HTR4: variants seen among roughly 807,000 people sequenced by gnomAD.
HTR4 encodes the protein 5-hydroxytryptamine receptor 4.
Under a neutral mutation model 36.8 loss-of-function variants are expected in HTR4, and 16 were observed. That is an observed-to-expected ratio of 0.43 (90% CI 0.29 to 0.66). The LOEUF (loss-of-function observed/expected upper bound fraction) is 0.66. HTR4 is among the 30% of genes least tolerant of loss of function. The pLI, the probability that HTR4 is intolerant of heterozygous loss-of-function variation, is 0.13. For synonymous variants in HTR4, 189 were observed against 185.1 expected, an observed-to-expected ratio of 1.02 and a Z score of -0.17; for missense variants, 438 against 490.9, an observed-to-expected ratio of 0.89 and a Z score of 1.02.
chr5:148,530,215 G>A (rs928079302), intron 4 of HTR4, among the ~76,000 whole-genome samples: 1 of 152,168 alleles, frequency 6.6e-6, no homozygotes, highest in Non-Finnish European at 1.5e-5. Flanking sequence ...TAAGTAACAA[G>A]AAGCTGAATG....
At chr5:148,609,019 G>T (rs1752296219) in intron 2 of HTR4, among the ~76,000 whole-genome samples, 1 of 152,142 alleles carries the variant, frequency 6.6e-6, no homozygotes, top group Admixed American at 6.5e-5. Context: ...TCTCACTTAG[G>T]ATCCTTTTCA....
chr5:148,613,127 C>A (rs1752511361), intron 2 of HTR4, among the ~76,000 whole-genome samples: 1 of 149,806 alleles, frequency 6.7e-6, no homozygotes, highest in African/African-American at 2.5e-5. Context: ...ACCATTCCTT[C>A]TGAAACTATT....
intron 2 of HTR4, among the ~76,000 whole-genome samples, chr5:148,566,454 A>T (rs2113873896): frequency 6.6e-6 from 1 of 152,288 alleles, no homozygotes; most frequent in Non-Finnish European, 1.5e-5. Context: ...GAAGCAACAG[A>T]GCCTCTTGCC....
At chr5:148,612,145 C>A (rs1307972488) in intron 2 of HTR4, among the ~76,000 whole-genome samples, 1 of 152,130 alleles carries the variant, frequency 6.6e-6, no homozygotes, top group African/African-American at 2.4e-5. Flanking sequence ...CAAGGATACC[C>A]AGGAATTAAA....
chr5:148,635,099 C>A (rs1222674578), intron 2 of HTR4, among the ~76,000 whole-genome samples: 1 of 151,864 alleles, frequency 6.6e-6, no homozygotes, highest in Non-Finnish European at 1.5e-5. Flanking sequence ...ATAAATTAAT[C>A]ATATAAGGAA....
At chr5:148,607,535 C>CCAACT (rs1752231797) in intron 2 of HTR4, among the ~76,000 whole-genome samples, 1 of 152,122 alleles carries the variant, frequency 6.6e-6, no homozygotes, top group Non-Finnish European at 1.5e-5. Context: ...TAAGAAGGCC[C>CCAACT]CAACTCAACT....
Position 148,532,669 on chromosome 5 carries a change from C to G in HTR4, c.354-9323G>C, listed in dbSNP as rs575299455. The stretch of plus-strand genomic sequence containing the variant: ...AGAAATTATATATATGAAATACATA[C>G]CCATAAATGTATATTCCTATATCTA... On this transcript the variant is annotated intron_variant, in intron 4 of 6. Coordinates refer to ENST00000377888, the MANE Select transcript of HTR4 (RefSeq NM_000870.7). 9.9e-5 allele frequency among the ~76,000 whole-genome samples: 15 copies of G among 152,224 alleles called. No homozygotes were observed. In the South Asian group the frequency reaches 3.1e-3, roughly 32 times the overall value.
intron 5 of HTR4, among the ~76,000 whole-genome samples, chr5:148,471,096 T>A (rs1445541407): frequency 6.6e-6 from 1 of 152,184 alleles, no homozygotes; most frequent in Admixed American, 6.5e-5. Flanking sequence ...CTGAATCCAG[T>A]TTTGCTTACT....
chr5:148,483,775 A>T (rs542504290), intron 6 of HTR4, among the ~76,000 whole-genome samples: 4 of 152,106 alleles, frequency 2.6e-5, no homozygotes, highest in African/African-American at 4.8e-5. Flanking sequence ...TTCATCATCA[A>T]TTGGGTTTAT....
chr5:148,640,939 C>T (rs574060222), intron 1 of HTR4, among the ~76,000 whole-genome samples: 22 of 152,212 alleles, frequency 1.4e-4, no homozygotes, highest in African/African-American at 4.6e-4. Context: ...AAAATGATTG[C>T]CTTTCAACAA....
At chr5:148,561,166 T>C (rs1030935190) in intron 2 of HTR4, among the ~76,000 whole-genome samples, 3 of 152,190 alleles carry the variant, frequency 2.0e-5, no homozygotes, top group Non-Finnish European at 4.4e-5. Context: ...AGTAAAATTC[T>C]TGAGGCAAAA....
chr5:148,644,444 T>G (rs1023447179), intron 1 of HTR4, among the ~76,000 whole-genome samples: 441 of 144,474 alleles, frequency 3.1e-3, no homozygotes, highest in Non-Finnish European at 4.7e-3. Flanking sequence ...TTTTTTTTTT[T>G]TTTTTTTTTT....
intron 2 of HTR4, among the ~76,000 whole-genome samples, chr5:148,623,332 C>T (rs1581560361): frequency 6.6e-6 from 1 of 152,036 alleles, no homozygotes; most frequent in African/African-American, 2.4e-5. Context: ...TGAGGAAAAC[C>T]GGTAGCCAAG....
intron 2 of HTR4, among the ~76,000 whole-genome samples, chr5:148,557,786 T>G (rs1760021873): frequency 6.8e-6 from 1 of 147,950 alleles, no homozygotes; most frequent in Non-Finnish European, 1.5e-5. Context: ...ATATAATATA[T>G]ATATTAGGAA....
chr5:148,488,181 C>T (rs1756252602), intron 6 of HTR4, among the ~76,000 whole-genome samples: 1 of 152,194 alleles, frequency 6.6e-6, no homozygotes, highest in South Asian at 2.1e-4. Flanking sequence ...AACCAGAATT[C>T]TACTAAGGCT....
intron 2 of HTR4, among the ~76,000 whole-genome samples, chr5:148,564,788 C>T (rs1760364947): frequency 6.6e-6 from 1 of 152,108 alleles, no homozygotes; most frequent in Non-Finnish European, 1.5e-5. Context: ...ATTTTCTAGT[C>T]ATGTCCTGGG....
At chr5:148,474,657 GGA>G (rs1293102389), downstream of HTR4, among the ~76,000 whole-genome samples, 7 of 152,208 alleles carry the variant, frequency 4.6e-5, no homozygotes, top group East Asian at 1.2e-3. Flanking sequence ...AATTTCAGAG[GGA>G]GTGTCTCTTT....
chr5:148,632,020 T>C (rs1192403553), intron 2 of HTR4, among the ~76,000 whole-genome samples: 4 of 152,142 alleles, frequency 2.6e-5, no homozygotes, highest in Non-Finnish European at 5.9e-5. Flanking sequence ...TCATCAAGCC[T>C]ACCAAAGGAA....
In HTR4 at chr5:148,482,509, C is replaced by A. The variant is rs1038698319; in HGVS notation, c.*694G>T. ...CATTTTCCTCTGACAGATCTCTGAC[C>A]CTGTGTCTTCCATGGAAAATAAATG... On this transcript the variant is annotated 3_prime_UTR_variant, in exon 7 of 7. Coordinates refer to ENST00000377888, the MANE Select transcript of HTR4 (RefSeq NM_000870.7). 4.1e-6 allele frequency: 4 copies of A among 985,404 alleles called. No individual in the cohort carries two copies. Among genetic ancestry groups the A allele is most frequent in the Non-Finnish European group, 4.8e-6 (4 of 830,092 alleles). The allele number at this position is 985,404 out of a possible 1,614,324, so 61.0% of individuals were successfully genotyped here. A position where few individuals can be genotyped will look rare whatever the true frequency, so the allele number is the denominator to read the frequency against.
Sources: allele counts gnomAD v4.1 joint callset (sites outside exome capture counted in the v4.1 genomes callset), GRCh38; gene constraint gnomAD v4.1.1; transcripts MANE v1.5; gene names NCBI Gene and HGNC (gene_info 2026-07-23, HGNC 2026-07-21).